Variants in HAUS6 observed in about 807,000 individuals in gnomAD.
HAUS6 encodes the protein HAUS augmin like complex subunit 6, also known as HAUS augmin-like complex subunit 6.
A neutral mutation model predicts 106.8 loss-of-function variants in HAUS6; 80 were observed. That is an observed-to-expected ratio of 0.75 (90% CI 0.63 to 0.90). The LOEUF is 0.90. HAUS6 is among the 40% of genes least tolerant of loss of function. The probability of loss-of-function intolerance (pLI) is 0.00; values close to 1 mark genes in which losing one functional copy is unlikely to be tolerated. For missense variants in HAUS6, 1,155 were observed against 1,118.1 expected (o/e 1.03, Z -0.47); for synonymous variants, 356 against 379.1 (o/e 0.94, Z 0.71).
At chr9:19,067,650 A>C (rs1009027783) in intron 12 of HAUS6, among the ~76,000 whole-genome samples, 2 of 152,102 alleles carry the variant, frequency 1.3e-5, no homozygotes, top group South Asian at 4.1e-4. Flanking sequence ...GCTCTTACAG[A>C]ATTCTGATAG....
intron 3 of HAUS6, 114 bp downstream of exon 3, chr9:19,094,203 T>A (rs1817812459): frequency 1.6e-6 from 1 of 615,550 alleles, no homozygotes; most frequent in Non-Finnish European, 2.9e-6. Context: ...AATATTTCCT[T>A]GCTTATACTG....
intron 2 of HAUS6, among the ~76,000 whole-genome samples, chr9:19,095,334 A>C (rs756838871): frequency 6.6e-6 from 1 of 152,116 alleles, no homozygotes; most frequent in Non-Finnish European, 1.5e-5. Flanking sequence ...TACCTTTTCT[A>C]TAACTACATT....
At position 19,086,751 on chromosome 9, in the gene HAUS6, C is replaced by G. The variant is rs1209089395; in HGVS notation, c.682G>C (p.Glu228Gln). Residue 228 changes from glutamate (E) to glutamine (Q), a missense_variant, in exon 7 of 17, where the codon GAA becomes CAA. Physicochemically the swap from Glu to Gln is conservative, Grantham distance 29. Transcript: ENST00000380502. ...MEPYDDHSNM[E>Q]EKIQKVRSLW... Reference sequence around the variant, plus strand: ...TGTCTCACCTTTTGAATTTTTTCTTCCATATTACTGTGGTCATCATAGGGT... The same window carrying G: ...TGTCTCACCTTTTGAATTTTTTCTTGCATATTACTGTGGTCATCATAGGGT... 8.0e-7 allele frequency: 1 copy of G among 1,251,808 alleles called. No homozygotes were observed. The allele number at this position is 1,251,808 out of a possible 1,614,324, so 77.5% of individuals were successfully genotyped here. A position where few individuals can be genotyped will look rare whatever the true frequency, so the allele number is the denominator to read the frequency against.
intron 4 of HAUS6, among the ~76,000 whole-genome samples, chr9:19,092,382 G>T (rs374925313): frequency 1.3e-5 from 2 of 151,010 alleles, no homozygotes; most frequent in East Asian, 2.0e-4. Flanking sequence ...TTGGGAGGCC[G>T]AGGCAGGCGG....
At chr9:19,063,973 T>TTA (rs200486893) in intron 12 of HAUS6, among the ~76,000 whole-genome samples, 15 of 115,656 alleles carry the variant, frequency 1.3e-4, no homozygotes, top group African/African-American at 5.8e-4. Flanking sequence ...TTATTTTATT[T>TTA]TTTTTTTTTT....
intron 3 of HAUS6, 45 bp downstream of exon 3, chr9:19,094,272 T>C: frequency 8.6e-7 from 1 of 1,163,216 alleles, no homozygotes; most frequent in Non-Finnish European, 1.3e-6. Flanking sequence ...TAAAGTAGTT[T>C]TTAACTTCTT....
chr9:19,086,796 A>G lies in HAUS6; in HGVS notation c.651-14T>C. On this transcript the variant is annotated splice_polypyrimidine_tract_variant and intron_variant, in intron 6 of 16. Transcript: ENST00000380502. Reference sequence around the variant, plus strand: ...TAGGGTTCCATTCTAATAAAAATTAAATAATCTAATTAGTCATATTAAAAA... The same window carrying G: ...TAGGGTTCCATTCTAATAAAAATTAGATAATCTAATTAGTCATATTAAAAA... 1 of 989,090 alleles carries G rather than the reference A, an allele frequency of 1.0e-6. No individual in the cohort carries two copies. Among genetic ancestry groups the G allele is most frequent in the Non-Finnish European group, 1.6e-6 (1 of 636,830 alleles). The allele number at this position is 989,090 out of a possible 1,614,324, so 61.3% of individuals were successfully genotyped here.
intron 9 of HAUS6, 127 bp from the exon 10 acceptor site, chr9:19,078,429 A>G (rs562059630): frequency 3.4e-6 from 2 of 591,998 alleles, no homozygotes; most frequent in South Asian, 4.6e-5. Context: ...TCAATATACC[A>G]CATATAAATT....
At chr9:19,069,701 A>T (rs1054810123) in intron 12 of HAUS6, among the ~76,000 whole-genome samples, 9 of 152,098 alleles carry the variant, frequency 5.9e-5, no homozygotes, top group Non-Finnish European at 1.0e-4. Flanking sequence ...CTCCATTTCA[A>T]AAAAAAACAA....
chr9:19,100,177 G>C (rs375826340), intron 1 of HAUS6, among the ~76,000 whole-genome samples: 1 of 152,042 alleles, frequency 6.6e-6, no homozygotes, highest in East Asian at 1.9e-4. Context: ...CTGGGCGACA[G>C]AGCAAGACTC....
intron 12 of HAUS6, among the ~76,000 whole-genome samples, chr9:19,065,411 A>T (rs552830504): frequency 1.3e-5 from 2 of 152,380 alleles, no homozygotes; most frequent in African/African-American, 4.8e-5. Flanking sequence ...GTAGTAAAAA[A>T]TAAAATTGAG....
Position 19,070,143 on chromosome 9 carries a change from C to T in HAUS6, c.1376+76G>A, listed in dbSNP as rs935110822. On this transcript the variant is annotated intron_variant, in intron 12 of 16. Coordinates refer to ENST00000380502, the MANE Select transcript of HAUS6 (RefSeq NM_017645.5). ...GACCCAGAAGTCCAGCTGGCTTCACCTCTCAGTTCCATCTCTATTTTTTAT... is the reference window on the plus strand; with the variant it reads ...GACCCAGAAGTCCAGCTGGCTTCACTTCTCAGTTCCATCTCTATTTTTTAT... 53 of 831,464 alleles carry T rather than the reference C, an allele frequency of 6.4e-5. No individual in the cohort carries two copies. In the South Asian group the frequency reaches 7.8e-4, roughly 12 times the overall value. The allele number at this position is 831,464 out of a possible 1,614,324, so 51.5% of individuals were successfully genotyped here. A position where few individuals can be genotyped will look rare whatever the true frequency, so the allele number is the denominator to read the frequency against.
chr9:19,064,306 C>T (rs982193977), intron 12 of HAUS6, among the ~76,000 whole-genome samples: 1 of 152,096 alleles, frequency 6.6e-6, no homozygotes, highest in African/African-American at 2.4e-5. Context: ...TACTTCATAT[C>T]CAAAATCAAT....
intron 1 of HAUS6, among the ~76,000 whole-genome samples, chr9:19,100,340 T>C (rs1226553715): frequency 6.6e-6 from 1 of 152,366 alleles, no homozygotes; most frequent in Middle Eastern, 3.4e-3. Flanking sequence ...CACTCCAGCC[T>C]GAGAGACAGA....
Position 19,056,056 on chromosome 9 carries a change from C to G in HAUS6, c.*287G>C. On this transcript the variant is annotated 3_prime_UTR_variant, in exon 17 of 17. Coordinates refer to ENST00000380502, the MANE Select transcript of HAUS6 (RefSeq NM_017645.5). Reference sequence around the variant, plus strand: ...AGTTACACTACTACTTTGTCATTCACTTAATGCTTACAAGATTACTCAAGA... The same window carrying G: ...AGTTACACTACTACTTTGTCATTCAGTTAATGCTTACAAGATTACTCAAGA... 1 of 337,772 alleles carries G rather than the reference C, an allele frequency of 3.0e-6. No individual in the cohort carries two copies. The allele number at this position is 337,772 out of a possible 1,614,324, so 20.9% of individuals were successfully genotyped here.
In HAUS6 at chr9:19,093,262, T is replaced by G. The variant is rs866272127; in HGVS notation, c.345A>C (p.Leu115=). The G allele has an allele frequency of 6.2e-6, 10 of 1,609,930 alleles. No homozygotes were observed. Among genetic ancestry groups the G allele is most frequent in the Middle Eastern group, 1.7e-4 (1 of 6,056 alleles). Reference sequence around the variant, plus strand: ...ACTTAGGACCACCAGGAGAAAGAAATAGTGAACCAACAACTTGAGGAAAGC... The same window carrying G: ...ACTTAGGACCACCAGGAGAAAGAAAGAGTGAACCAACAACTTGAGGAAAGC... ...GSSFPQVVGS[L]FLSPGGPKFI... Residue 115 remains leucine, a synonymous_variant, in exon 4 of 17, where the codon CTA becomes CTC. Coordinates refer to ENST00000380502, the MANE Select transcript of HAUS6 (RefSeq NM_017645.5).
rs531770196 is a variant in HAUS6 at position 19,058,888 on chromosome 9, C to T, written c.1879G>A (p.Val627Met). The part of the protein sequence containing the change: ...HREVLPESLP[V>M]LHNQREFSMA... ...CTAAATTCTCTTTGATTGTGCAACA[C>T]AGGTAATGATTCTGGCAATACTTCT... The change falls in exon 16 of 17, where the codon GTG becomes ATG. Residue 627 changes from valine to methionine, a missense_variant. By Grantham distance (21) the Val-to-Met change is conservative (BLOSUM62 1). Around this residue, in one of 3 missense-constraint regions of HAUS6, gnomAD observed 380 missense variants for 394.8 expected, o/e 0.96. Coordinates refer to ENST00000380502, the MANE Select transcript of HAUS6 (RefSeq NM_017645.5). The T allele has an allele frequency of 1.5e-4, 238 of 1,605,006 alleles. 3 individuals are homozygous for T. The South Asian group carries it at 2.2e-3, about 15-fold the overall frequency.
chr9:19,084,690 T>C (rs1302904651), intron 7 of HAUS6, among the ~76,000 whole-genome samples: 4 of 151,612 alleles, frequency 2.6e-5, no homozygotes, highest in South Asian at 4.2e-4. Context: ...TGGAGTGCAG[T>C]GGCACAATCT....
intron 4 of HAUS6, among the ~76,000 whole-genome samples, chr9:19,092,365 T>G (rs1817770334): frequency 6.6e-6 from 1 of 151,158 alleles, no homozygotes; most frequent in South Asian, 2.1e-4. Flanking sequence ...GGTGTAATCC[T>G]AACACTTTGG....
Sources: gnomAD v4.1 joint callset for allele counts (sites outside exome capture counted in the v4.1 genomes callset) on GRCh38, gnomAD v4.1.1 for gene constraint, gnomAD v4.1.1 regional missense constraint, MANE v1.5 for transcripts, NCBI Gene and HGNC (gene_info 2026-07-23, HGNC 2026-07-21) for gene names.